Variants in GPR139 observed in about 807,000 individuals in gnomAD.
GPR139 encodes G protein-coupled receptor 139.
Under a neutral mutation model 25.8 loss-of-function variants are expected in GPR139, and 12 were observed. The ratio of observed to expected loss-of-function variants is 0.47; its 90% CI spans 0.30 to 0.75. GPR139 has a LOEUF of 0.75. GPR139 is among the 30% of genes least tolerant of loss of function. GPR139 has a pLI of 0.07. For missense variants in GPR139, 380 were observed against 450.2 expected (o/e 0.84, Z 1.41); for synonymous variants, 184 against 179.9 (o/e 1.02, Z -0.18).
intron 1 of GPR139, among the ~76,000 whole-genome samples, 157 bp from the exon 2 acceptor site, chr16:20,032,826 C>T (rs959558791): frequency 2.6e-5 from 4 of 152,228 alleles, no homozygotes; most frequent in Non-Finnish European, 4.4e-5. Context: ...CAAATAGCAC[C>T]TCATACAATT....
At chr16:20,041,411 A>T (rs1359894752) in intron 1 of GPR139, among the ~76,000 whole-genome samples, 1 of 151,444 alleles carries the variant, frequency 6.6e-6, no homozygotes, top group East Asian at 2.0e-4. Context: ...TTTTAGGAAG[A>T]TCAATTTCTA....
intron 1 of GPR139, among the ~76,000 whole-genome samples, chr16:20,068,761 C>T (rs1401161149): frequency 6.6e-6 from 1 of 152,058 alleles, no homozygotes; most frequent in Admixed American, 6.6e-5. Context: ...TTATAGATGC[C>T]CTTTATCAAG....
rs2057275980 is a variant in GPR139 at position 20,028,559 on chromosome 16, T to G, written c.*3176A>C. Among the ~76,000 whole-genome samples, 1 of 152,176 alleles carries G rather than the reference T, an allele frequency of 6.6e-6. No homozygotes were observed. The highest frequency in any genetic ancestry group is 1.5e-5 in the Non-Finnish European group (1 of 68,030). ...CCAACATTAGAGTCTTTTATTCACTTCGGGTAGGCTCCCCATGTTGAACCA... is the reference window on the plus strand; with the variant it reads ...CCAACATTAGAGTCTTTTATTCACTGCGGGTAGGCTCCCCATGTTGAACCA... On this transcript the variant is annotated 3_prime_UTR_variant, in exon 2 of 2. Coordinates refer to ENST00000570682, the MANE Select transcript of GPR139 (RefSeq NM_001002911.4).
intron 1 of GPR139, among the ~76,000 whole-genome samples, chr16:20,060,502 C>T (rs1463596158): frequency 6.6e-6 from 1 of 151,800 alleles, no homozygotes; most frequent in Non-Finnish European, 1.5e-5. Context: ...TGGGTAGAGT[C>T]CCCCAGTTGA....
intron 1 of GPR139, among the ~76,000 whole-genome samples, chr16:20,043,597 C>G (rs955612843): frequency 6.6e-6 from 1 of 152,074 alleles, no homozygotes; most frequent in African/African-American, 2.4e-5. Flanking sequence ...AATGGCAGTG[C>G]AGGTAGAATA....
At chr16:20,056,343 C>T (rs1055963420) in intron 1 of GPR139, among the ~76,000 whole-genome samples, 1 of 152,210 alleles carries the variant, frequency 6.6e-6, no homozygotes, top group African/African-American at 2.4e-5. Flanking sequence ...GGTAGGAACC[C>T]AGATTTATTT....
In GPR139 at chr16:20,028,998, G is replaced by A. The variant is rs1466616007; in HGVS notation, c.*2737C>T. Among the ~76,000 whole-genome samples, 2 of 152,064 alleles carry A rather than the reference G, an allele frequency of 1.3e-5. No individual in the cohort carries two copies. Among genetic ancestry groups the A allele is most frequent in the African/African-American group, 4.8e-5 (2 of 41,398 alleles). ...AGTTAAAAAAAACCCATTTCATGAT[G>A]TCCATAATTATTACTATAAATAATA... On this transcript the variant is annotated 3_prime_UTR_variant, in exon 2 of 2. Transcript: ENST00000570682.
chr16:20,050,178 G>C (rs929274336), intron 1 of GPR139, among the ~76,000 whole-genome samples: 3 of 152,222 alleles, frequency 2.0e-5, no homozygotes, highest in Non-Finnish European at 4.4e-5. Flanking sequence ...ATCTAATATA[G>C]AGGATCATGG....
At chr16:20,035,098 T>G (rs150846723) in intron 1 of GPR139, among the ~76,000 whole-genome samples, 2 of 152,310 alleles carry the variant, frequency 1.3e-5, no homozygotes, top group East Asian at 3.9e-4. Context: ...TAATTTAGAT[T>G]CCCAATAGCA....
intron 1 of GPR139, among the ~76,000 whole-genome samples, chr16:20,068,031 C>T (rs1037122081): frequency 6.6e-6 from 1 of 151,372 alleles, no homozygotes; most frequent in South Asian, 2.1e-4. Flanking sequence ...GAGTTGAAAT[C>T]CATAATTGAT....
rs144145687 is a variant in GPR139 at position 20,037,215 on chromosome 16, G to C, written c.128-4546C>G. 2.0e-5 allele frequency among the ~76,000 whole-genome samples: 3 copies of C among 152,270 alleles called. No individual in the cohort carries two copies. In the East Asian group the frequency reaches 5.8e-4, roughly 29 times the overall value. ...GCCTGTAATCCCAGCACTTTAGGAG[G>C]CTGAGGGTGGTGGATCGCTTGAGGT... On this transcript the variant is annotated intron_variant, in intron 1 of 1. Transcript: ENST00000570682.
chr16:20,073,720 A>G lies in GPR139; in HGVS notation c.-104T>C, dbSNP rs1166497316. On this transcript the variant is annotated 5_prime_UTR_variant, in exon 1 of 2. Coordinates refer to ENST00000570682, the MANE Select transcript of GPR139 (RefSeq NM_001002911.4). This position sits in a 1 kb window ranked among gnomAD's most constrained non-coding sequence, Gnocchi z 4.7. ...CGGCGGAGGCAGCGGCAGCTGGAGCAGCAGCGCCTCTCTCCCCGCAGGACT... is the reference window on the plus strand; with the variant it reads ...CGGCGGAGGCAGCGGCAGCTGGAGCGGCAGCGCCTCTCTCCCCGCAGGACT... The G allele has an allele frequency of 7.2e-7, 1 of 1,383,494 alleles. No individual in the cohort carries two copies. The highest frequency in any genetic ancestry group is 1.5e-5 in the African/African-American group (1 of 67,932). The allele number at this position is 1,383,494 out of a possible 1,614,324, so 85.7% of individuals were successfully genotyped here. A position where few individuals can be genotyped will look rare whatever the true frequency, so the allele number is the denominator to read the frequency against.
chr16:20,033,216 C>T (rs1395789783), intron 1 of GPR139, among the ~76,000 whole-genome samples: 1 of 151,042 alleles, frequency 6.6e-6, no homozygotes, highest in African/African-American at 2.4e-5. Flanking sequence ...CCGCCATTCT[C>T]TTCACACAAC....
chr16:20,033,623 GAGA>G (rs2057299555), intron 1 of GPR139, among the ~76,000 whole-genome samples: 1 of 152,128 alleles, frequency 6.6e-6, no homozygotes, highest in Non-Finnish European at 1.5e-5. Flanking sequence ...TGGAGGTGCA[GAGA>G]AGATCATGAC....
At chr16:20,046,625 A>T (rs2057355222) in intron 1 of GPR139, among the ~76,000 whole-genome samples, 1 of 152,174 alleles carries the variant, frequency 6.6e-6, no homozygotes, top group Admixed American at 6.5e-5. Flanking sequence ...GCACTTGGAG[A>T]GGAAGCAGCA....
rs71146300 is a variant in GPR139 at position 20,073,252 on chromosome 16, TCACACA to T, written c.127+232_127+237del. On this transcript the variant is annotated intron_variant, in intron 1 of 1. Coordinates refer to ENST00000570682, the MANE Select transcript of GPR139 (RefSeq NM_001002911.4). The surrounding 1 kb of genome is among the most constrained non-coding windows in gnomAD (Gnocchi z 4.7). ...AGCCCATCGCCCGCCGTCACAGTCA[TCACACA>T]CACACACACACACACACACACGCTC... is the stretch of plus-strand genomic sequence containing the variant. Among the ~76,000 whole-genome samples the T allele has an allele frequency of 9.3e-4, 137 of 147,070 alleles. 1 individual carries two copies. The highest frequency in any genetic ancestry group is 2.0e-3 in the African/African-American group (78 of 39,954).
chr16:20,049,709 T>C (rs2057365762), intron 1 of GPR139, among the ~76,000 whole-genome samples: 1 of 152,234 alleles, frequency 6.6e-6, no homozygotes, highest in Admixed American at 6.5e-5. Context: ...ATTCCAGGTT[T>C]GCTGATTCCT....
At chr16:20,037,860 T>C (rs1475105117) in intron 1 of GPR139, among the ~76,000 whole-genome samples, 1 of 152,196 alleles carries the variant, frequency 6.6e-6, no homozygotes, top group Admixed American at 6.5e-5. Context: ...TCTTGCAACC[T>C]CTTTTTTCCT....
chr16:20,061,316 T>C (rs966565086), intron 1 of GPR139, among the ~76,000 whole-genome samples: 2 of 151,622 alleles, frequency 1.3e-5, no homozygotes, highest in Non-Finnish European at 2.9e-5. Context: ...TATGGATGGA[T>C]AGATGCGTGG....
Sources: gnomAD v4.1 joint callset for allele counts (sites outside exome capture counted in the v4.1 genomes callset) on GRCh38, gnomAD v4.1.1 for gene constraint, Gnocchi (gnomAD v3.1) non-coding constraint, MANE v1.5 for transcripts, NCBI Gene and HGNC (gene_info 2026-07-23, HGNC 2026-07-21) for gene names.